Variants in MARVELD2 observed in about 807,000 individuals in gnomAD.
The protein encoded by MARVELD2 is MARVEL domain containing 2.
A neutral mutation model predicts 57.6 loss-of-function variants in MARVELD2; 49 were observed. The observed-to-expected ratio is 0.85, with a 90% CI of 0.68 to 1.08. The LOEUF is 1.08. Ranked by LOEUF, MARVELD2 falls within the 50% of genes least tolerant of loss-of-function variation. MARVELD2 has a pLI of 0.00. For synonymous variants in MARVELD2, 238 were observed against 258.8 expected (o/e 0.92, Z 0.77); for missense variants, 606 against 701.1 (o/e 0.86, Z 1.53).
In MARVELD2 at chr5:69,441,539, C is replaced by A. The variant is rs750561732; in HGVS notation, c.1562C>A (p.Thr521Lys). 14 of 1,610,002 alleles carry A rather than the reference C, an allele frequency of 8.7e-6. No individual in the cohort carries two copies. The highest frequency in any genetic ancestry group is 1.7e-5 in the Admixed American group (1 of 59,736). The change falls in exon 7 of 7, where the codon ACA (threonine) becomes AAA (lysine). Residue 521 changes from threonine (T) to lysine (K), a missense_variant. Thr to Lys is a moderately conservative substitution (Grantham distance 78). Transcript: ENST00000325631. ...CTTATATTTCTTTTACAGGATCCTA[C>A]ATTTCTGGAAAAAAAAGAACGCTGT... is the stretch of plus-strand genomic sequence containing the variant. ...EEFKKKKNDP[T>K]FLEKKERCDY...
At chr5:69,419,125 C>A in intron 1 of MARVELD2, 1 of 563,284 alleles carries the variant, frequency 1.8e-6, no homozygotes, top group South Asian at 2.1e-5. Flanking sequence ...AGTGTTTCAC[C>A]ATGTTGGTCA....
At chr5:69,426,535 A>G (rs1250177210) in intron 3 of MARVELD2, among the ~76,000 whole-genome samples, 8 of 151,476 alleles carry the variant, frequency 5.3e-5, no homozygotes. Context: ...GGGTTTCACC[A>G]TGTTGGTCAG....
intron 5 of MARVELD2, among the ~76,000 whole-genome samples, chr5:69,434,036 T>C (rs1279294935): frequency 6.6e-6 from 1 of 151,908 alleles, no homozygotes; most frequent in Non-Finnish European, 1.5e-5. Flanking sequence ...ACATTCAAAC[T>C]AGGATAATTC....
Position 69,420,263 on chromosome 5 carries a change from A to G in MARVELD2, c.878A>G (p.Glu293Gly). 1 of 1,614,046 alleles carries G rather than the reference A, an allele frequency of 6.2e-7. No homozygotes were observed. The highest frequency in any genetic ancestry group is 8.5e-7 in the Non-Finnish European group (1 of 1,179,996). ...LLDSNWWPLT[E>G]FGINVALFIL... ...GACTCTAATTGGTGGCCCCTAACTG[A>G]ATTTGGAATTAACGTTGCCTTGTTT... Residue 293 changes from glutamate (E) to glycine (G), a missense_variant, in exon 2 of 7, where the codon GAA (glutamate) becomes GGA (glycine). Transcript: ENST00000325631.
chr5:69,421,108 G>A (rs1008725211), intron 2 of MARVELD2, among the ~76,000 whole-genome samples: 1 of 152,012 alleles, frequency 6.6e-6, no homozygotes, highest in Admixed American at 6.6e-5. Context: ...TGAGGAAGAC[G>A]TATGGTCCAA....
At chr5:69,434,051 A>C (rs1482199304) in intron 5 of MARVELD2, among the ~76,000 whole-genome samples, 2 of 152,112 alleles carry the variant, frequency 1.3e-5, no homozygotes, top group Non-Finnish European at 2.9e-5. Flanking sequence ...TAATTCACAA[A>C]GGTTTATTCA....
chr5:69,424,502 C>G (rs1766723896), intron 2 of MARVELD2, 99 bp from the exon 3 acceptor site: 2 of 993,722 alleles, frequency 2.0e-6, no homozygotes, highest in African/African-American at 3.1e-5. Flanking sequence ...GGATCAACCT[C>G]TTAAAATTGA....
At chr5:69,435,055 C>T (rs1368095143) in intron 5 of MARVELD2, among the ~76,000 whole-genome samples, 1 of 136,216 alleles carries the variant, frequency 7.3e-6, no homozygotes, top group African/African-American at 2.8e-5. Flanking sequence ...TGGAGTCTTG[C>T]TCTGTCACCC....
Position 69,435,585 on chromosome 5 carries a change from C to G in MARVELD2, c.1503+2492C>G, listed in dbSNP as rs552924240. On this transcript the variant is annotated intron_variant, in intron 5 of 6. Coordinates refer to ENST00000325631, the MANE Select transcript of MARVELD2 (RefSeq NM_001038603.3). ...CCTGGCCAACATGGTGAAATGCTGT[C>G]TCTACTAAAAGTACAAAAATTAGTT... 2.4e-4 allele frequency among the ~76,000 whole-genome samples: 37 copies of G among 151,478 alleles called. No individual in the cohort carries two copies. The Middle Eastern group carries it at 0.01, about 42-fold the overall frequency.
intron 3 of MARVELD2, among the ~76,000 whole-genome samples, chr5:69,427,997 A>G (rs2150922590): frequency 6.6e-6 from 1 of 152,158 alleles, no homozygotes; most frequent in South Asian, 2.1e-4. Flanking sequence ...CTGTAATCCC[A>G]GCTACTCGGG....
chr5:69,437,336 G>A (rs1420534876), intron 5 of MARVELD2, among the ~76,000 whole-genome samples: 6 of 147,282 alleles, frequency 4.1e-5, no homozygotes, highest in East Asian at 4.1e-4. Context: ...TGCCAAGATC[G>A]CGCCATTGCA....
Position 69,439,332 on chromosome 5 carries a change from T to C in MARVELD2, c.1504-1118T>C, listed in dbSNP as rs1561304070. Among the ~76,000 whole-genome samples the C allele has an allele frequency of 2.0e-5, 3 of 151,936 alleles. No homozygotes were observed. The South Asian group carries it at 6.2e-4, about 32-fold the overall frequency. On this transcript the variant is annotated intron_variant, in intron 5 of 6. Coordinates refer to ENST00000325631, the MANE Select transcript of MARVELD2 (RefSeq NM_001038603.3). ...CCCGCCACCATGCCTGGCTAATTTT[T>C]GTATTTTTAGTAGAGATGGGGTTTC... is the stretch of plus-strand genomic sequence containing the variant.
Position 69,419,568 on chromosome 5 carries a change from C to T in MARVELD2, c.183C>T (p.Phe61=), listed in dbSNP as rs776724674. The stretch of plus-strand genomic sequence containing the variant: ...TACAGCCACCATTCGGCCCAGACTT[C>T]TACTCAAGTGACACAGAAGAACCAG... ...LPLQPPFGPD[F]YSSDTEEPAI... is the part of the protein sequence containing the mutation. Residue 61 remains phenylalanine (F), a synonymous_variant, in exon 2 of 7, where the codon TTC becomes TTT. Transcript: ENST00000325631. 9 of 1,614,130 alleles carry T rather than the reference C, an allele frequency of 5.6e-6. No homozygotes were observed. The highest frequency in any genetic ancestry group is 7.6e-6 in the Non-Finnish European group (9 of 1,180,020).
intron 5 of MARVELD2, among the ~76,000 whole-genome samples, chr5:69,438,975 A>T (rs1012178087): frequency 6.6e-6 from 1 of 150,566 alleles, no homozygotes; most frequent in Non-Finnish European, 1.5e-5. Flanking sequence ...CTGAGACAGG[A>T]GGATCACTTG....
intron 6 of MARVELD2, among the ~76,000 whole-genome samples, chr5:69,441,038 AC>A (rs1381076178): frequency 6.6e-6 from 1 of 152,182 alleles, no homozygotes; most frequent in African/African-American, 2.4e-5. Context: ...GGGAGACAGT[AC>A]GCCACTGCAC....
At chr5:69,421,798 T>C (rs931285889) in intron 2 of MARVELD2, among the ~76,000 whole-genome samples, 22 of 149,328 alleles carry the variant, frequency 1.5e-4, no homozygotes, top group African/African-American at 4.6e-4. Context: ...TTCTTTCTTT[T>C]TTTTTTTTTT....
chr5:69,421,508 A>G (rs1038081253), intron 2 of MARVELD2, among the ~76,000 whole-genome samples: 1 of 152,210 alleles, frequency 6.6e-6, no homozygotes, highest in Non-Finnish European at 1.5e-5. Flanking sequence ...GGGCAAAACT[A>G]TAAATAAAAA....
rs752493567 is a variant in MARVELD2 at position 69,419,502 on chromosome 5, G to A, written c.117G>A (p.Arg39=). ...ACCCAACTCTTCATGACAGTGAGCG[G>A]GCAGTGAGCGCTGATCCCTTGCCAC... The part of the protein sequence containing the change: ...RTHPTLHDSE[R]AVSADPLPPP... The change falls in exon 2 of 7, where the codon CGG becomes CGA. Residue 39 remains arginine (R), a synonymous_variant. Transcript: ENST00000325631. 3.7e-6 allele frequency: 6 copies of A among 1,613,920 alleles called. No individual in the cohort carries two copies. The highest frequency in any genetic ancestry group is 5.1e-6 in the Non-Finnish European group (6 of 1,179,860).
intron 1 of MARVELD2, chr5:69,419,083 G>A (rs910735439): frequency 4.6e-5 from 21 of 456,744 alleles, no homozygotes; most frequent in Middle Eastern, 1.3e-3. Context: ...ATGCCACAAC[G>A]CCTGGCTAGT....
Sources: gnomAD v4.1 joint callset for allele counts (sites outside exome capture counted in the v4.1 genomes callset) on GRCh38, gnomAD v4.1.1 for gene constraint, MANE v1.5 for transcripts, NCBI Gene and HGNC (gene_info 2026-07-23, HGNC 2026-07-21) for gene names.